The following NUP93 variants were observed in gnomAD, a reference collection of about 807,000 sequenced individuals.
NUP93 encodes the protein nuclear pore complex protein Nup93.
Under a neutral mutation model 107.8 loss-of-function variants are expected in NUP93, and 55 were observed. That is an observed-to-expected ratio of 0.51 (90% confidence interval 0.41 to 0.64). NUP93 has a LOEUF of 0.64. NUP93 is among the 30% of genes least tolerant of loss of function. The probability of loss-of-function intolerance (pLI) is 0.00; values close to 1 mark genes in which losing one functional copy is unlikely to be tolerated. For synonymous variants in NUP93, 390 were observed against 397.5 expected, an observed-to-expected ratio of 0.98 and a Z score of 0.22; for missense variants, 937 against 1,044.7, an observed-to-expected ratio of 0.90 and a Z score of 1.42.
chr16:56,777,701 T>C (rs1962440448), intron 3 of NUP93, among the ~76,000 whole-genome samples: 1 of 152,212 alleles, frequency 6.6e-6, no homozygotes, highest in African/African-American at 2.4e-5. Context: ...TGTAGTTGCA[T>C]ATAATGAGGA....
intron 2 of NUP93, among the ~76,000 whole-genome samples, chr16:56,756,002 G>T (rs1962011388): frequency 6.6e-6 from 1 of 152,196 alleles, no homozygotes. Flanking sequence ...TAGAGCCCAG[G>T]AGTTTGAGTC....
intron 4 of NUP93, among the ~76,000 whole-genome samples, chr16:56,804,651 G>A (rs1963093341): frequency 6.6e-6 from 1 of 152,182 alleles, no homozygotes; most frequent in South Asian, 2.1e-4. Flanking sequence ...GCTCACACCT[G>A]TAATCCCAGC....
intron 5 of NUP93, among the ~76,000 whole-genome samples, chr16:56,812,640 C>T (rs1184263634): frequency 6.6e-6 from 1 of 151,898 alleles, no homozygotes; most frequent in Admixed American, 6.6e-5. Context: ...ACTGTGTCCG[C>T]CCCCCTAGCA....
chr16:56,731,299 C>G (rs1325941915), intron 1 of NUP93, among the ~76,000 whole-genome samples: 1 of 152,158 alleles, frequency 6.6e-6, no homozygotes, highest in Non-Finnish European at 1.5e-5. Flanking sequence ...TCTCCCCAAA[C>G]TGCTCCTGTT....
chr16:56,815,803 G>A (rs1428962627), intron 5 of NUP93, among the ~76,000 whole-genome samples: 2 of 151,746 alleles, frequency 1.3e-5, no homozygotes, highest in African/African-American at 4.8e-5. Flanking sequence ...CTTAAAGGCA[G>A]CAGTATGCTC....
intron 5 of NUP93, among the ~76,000 whole-genome samples, chr16:56,807,802 C>T (rs9938980): frequency 0.41 from 61,535 of 151,382 alleles, 12,690 homozygotes; most frequent in East Asian, 0.61. Context: ...GAGGGTGGAT[C>T]ACAAGGTCAG....
chr16:56,836,508 A>AT, intron 16 of NUP93, 93 bp from the exon 17 acceptor site: 2 of 749,128 alleles, frequency 2.7e-6, no homozygotes, highest in Admixed American at 4.5e-5. Flanking sequence ...CACTTGAAGT[A>AT]TTTTTTGGAT....
At chr16:56,768,333 G>A (rs1011742647) in intron 3 of NUP93, among the ~76,000 whole-genome samples, 2 of 151,446 alleles carry the variant, frequency 1.3e-5, no homozygotes, top group African/African-American at 4.9e-5. Flanking sequence ...GGAGGCTGAG[G>A]TGGGTGGATC....
chr16:56,818,734 G>A lies in NUP93; in HGVS notation c.560G>A (p.Arg187Gln), dbSNP rs756006928. The A allele has an allele frequency of 5.0e-6, 8 of 1,613,372 alleles. No homozygotes were observed. Among genetic ancestry groups the A allele is most frequent in the Admixed American group, 3.3e-5 (2 of 59,976 alleles). ...GATAACATCGAGATGGCCTATGCGC[G>A]GCAAGTGAGTGTGATTTTAAGGGGG... The part of the protein sequence containing the change: ...SLDNIEMAYA[R>Q]QIYIYNEKIV... Residue 187 changes from arginine to glutamine, a missense_variant, in exon 6 of 22, where the codon CGG becomes CAG. Coordinates refer to ENST00000308159, the MANE Select transcript of NUP93 (RefSeq NM_014669.5).
chr16:56,796,282 T>TA (rs1441149236), intron 3 of NUP93, among the ~76,000 whole-genome samples: 4 of 152,200 alleles, frequency 2.6e-5, no homozygotes, highest in African/African-American at 9.7e-5. Flanking sequence ...ACCTTGTCTA[T>TA]AATTAGATAC....
chr16:56,815,899 G>GCTGCTGCTGCTGCTGCTGCTGCTGC (rs1555495759), intron 5 of NUP93, among the ~76,000 whole-genome samples: 3 of 96,030 alleles, frequency 3.1e-5, no homozygotes, highest in African/African-American at 1.2e-4. Context: ...GCTGCTGCTG[G>GCTGCTGCTGCTGCTGCTGCTGCTGC]TGCTGCTGCT....
intron 21 of NUP93, among the ~76,000 whole-genome samples, chr16:56,842,991 T>A (rs1318414621): frequency 6.6e-6 from 1 of 152,346 alleles, no homozygotes. Context: ...GCCTCCAAGA[T>A]GTCTGTGAGC....
intron 3 of NUP93, among the ~76,000 whole-genome samples, chr16:56,786,871 GT>G (rs1244213613): frequency 1.3e-5 from 2 of 152,200 alleles, no homozygotes; most frequent in African/African-American, 2.4e-5. Context: ...TAGGTGAAAG[GT>G]TTTAGCTCGC....
At chr16:56,773,039 G>A (rs532538854) in intron 3 of NUP93, among the ~76,000 whole-genome samples, 3 of 152,348 alleles carry the variant, frequency 2.0e-5, no homozygotes, top group Non-Finnish European at 4.4e-5. Flanking sequence ...GAAGTCTTCT[G>A]TGTTGATTGT....
intron 3 of NUP93, among the ~76,000 whole-genome samples, chr16:56,773,621 G>C (rs1251211743): frequency 6.6e-6 from 1 of 152,256 alleles, no homozygotes; most frequent in African/African-American, 2.4e-5. Flanking sequence ...GAACTTTTAA[G>C]AAATGTGATT....
chr16:56,833,467 G>A (rs557472896), intron 13 of NUP93, 61 bp downstream of exon 13: 64 of 1,369,456 alleles, frequency 4.7e-5, no homozygotes, highest in South Asian at 4.2e-4. Context: ...TTGGGGCGAC[G>A]GTGGCCACAA....
rs545560921 is a variant in NUP93 at position 56,804,767 on chromosome 16, G to A, written c.361-737G>A. On this transcript the variant is annotated intron_variant, in intron 4 of 21. Transcript: ENST00000308159. ...CTAGTAAAAATATAATTAGCTAGGC[G>A]TGGTGGTGGGCGCCTGTAATCCCAG... Among the ~76,000 whole-genome samples, 91 of 152,050 alleles carry A rather than the reference G, an allele frequency of 6.0e-4. 3 individuals carry two copies. The East Asian group carries it at 9.7e-3, about 16-fold the overall frequency.
At position 56,850,134 on chromosome 16, in the gene NUP93, T is replaced by TGTG. The variant is rs1964159608; in HGVS notation, c.*5529_*5531dup. On this transcript the variant is annotated 3_prime_UTR_variant, in exon 22 of 22. Coordinates refer to ENST00000308159, the MANE Select transcript of NUP93 (RefSeq NM_014669.5). ...TTTTTGCTTTTCTCGAGTCACTCTG[T>TGTG]GTGGTGCTTGTGGGAGAAGGGAGAG... The TGTG allele has an allele frequency of 6.6e-6, 1 of 152,246 alleles. No individual in the cohort carries two copies. Among genetic ancestry groups the TGTG allele is most frequent in the African/African-American group, 2.4e-5 (1 of 41,446 alleles). 9.4% of individuals were successfully genotyped at this position (152,246 alleles called of 1,614,324 possible).
chr16:56,818,691 C>T lies in NUP93; in HGVS notation c.517C>T (p.Pro173Ser), dbSNP rs369861910. The T allele has an allele frequency of 1.2e-6, 2 of 1,614,072 alleles. No homozygotes were observed. The highest frequency in any genetic ancestry group is 8.5e-7 in the Non-Finnish European group (1 of 1,179,948). ...EPSYISDVGP[P>S]GRSSLDNIEM... is the part of the protein sequence containing the mutation. Reference sequence around the variant, plus strand: ...AAGCTACATCAGTGATGTGGGACCCCCTGGTCGAAGCTCTCTGGATAACAT... The same window carrying T: ...AAGCTACATCAGTGATGTGGGACCCTCTGGTCGAAGCTCTCTGGATAACAT... Residue 173 changes from proline to serine, a missense_variant, in exon 6 of 22, where the codon CCT (proline) becomes TCT (serine). Transcript: ENST00000308159.
Sources: gnomAD v4.1 joint callset for allele counts (sites outside exome capture counted in the v4.1 genomes callset) on GRCh38, gnomAD v4.1.1 for gene constraint, MANE v1.5 for transcripts, NCBI Gene and HGNC (gene_info 2026-07-23, HGNC 2026-07-21) for gene names.